Variants in COL9A1 observed in about 807,000 individuals in gnomAD.
The protein encoded by COL9A1 is collagen alpha-1(IX) chain.
A neutral mutation model predicts 142.6 loss-of-function variants in COL9A1; 104 were observed. The ratio of observed to expected loss-of-function variants is 0.73; its 90% CI spans 0.62 to 0.86. COL9A1 has a LOEUF of 0.86. COL9A1 is among the 40% of genes least tolerant of loss of function. The pLI is 0.00. For synonymous variants in COL9A1, 466 were observed against 396.0 expected (o/e 1.18, Z -2.10); for missense variants, 1,210 against 1,176.6 (o/e 1.03, Z -0.42).
intron 5 of COL9A1, among the ~76,000 whole-genome samples, chr6:70,289,090 C>G (rs1286085341): frequency 6.6e-6 from 1 of 151,990 alleles, no homozygotes; most frequent in Non-Finnish European, 1.5e-5. Context: ...AATTCCCTTC[C>G]CCTGTGTGGG....
chr6:70,215,113 C>T (rs1277915244), downstream of COL9A1: 1 of 151,922 alleles, frequency 6.6e-6, no homozygotes, highest in Non-Finnish European at 1.5e-5. Flanking sequence ...AAAAGTTTGC[C>T]ATTTTTTTAA....
chr6:70,279,742 A>T (rs1773015611), intron 10 of COL9A1: 2 of 381,152 alleles, frequency 5.2e-6, no homozygotes, highest in Non-Finnish European at 9.4e-6. Flanking sequence ...GGGAATCCCG[A>T]CAAAGAAAGC....
chr6:70,269,618 AG>A lies in COL9A1; in HGVS notation c.1230+14del. On this transcript the variant is annotated intron_variant, in intron 16 of 37. Coordinates refer to ENST00000357250, the MANE Select transcript of COL9A1 (RefSeq NM_001851.6). ...TGAATTAAAACTATATTTTGTTCAA[AG>A]GAAAGCATCTTACCAATGGATCTCC... 2 of 1,569,436 alleles carry A rather than the reference AG, an allele frequency of 1.3e-6. No homozygotes were observed. Among genetic ancestry groups the A allele is most frequent in the Non-Finnish European group, 1.8e-6 (2 of 1,139,014 alleles).
intron 5 of COL9A1, among the ~76,000 whole-genome samples, chr6:70,292,254 T>C (rs915244224): frequency 1.3e-5 from 2 of 152,182 alleles, no homozygotes; most frequent in African/African-American, 4.8e-5. Context: ...GTTAATGGGC[T>C]GTTAGGCTCA....
intron 30 of COL9A1, 149 bp from the exon 31 acceptor site, chr6:70,241,603 G>A: frequency 1.4e-6 from 1 of 724,932 alleles, no homozygotes; most frequent in Middle Eastern, 3.2e-4. Flanking sequence ...CAAGAATCAG[G>A]ACCAAAACAT....
chr6:70,282,903 C>T lies in COL9A1; in HGVS notation c.796G>A (p.Asp266Asn). ...PARITPSQTT[D>N]ERGPPGEQGP... The stretch of plus-strand genomic sequence containing the variant: ...ACTCCCTGCCCCCAACTTACCTCGT[C>T]GGTGGTCTGGCTGGGCTGGAGAAGA... The change falls in exon 7 of 38, where the codon GAC (aspartate) becomes AAC (asparagine). Residue 266 changes from aspartate to asparagine, a missense_variant. Asp to Asn is a conservative substitution (Grantham distance 23). Coordinates refer to ENST00000357250, the MANE Select transcript of COL9A1 (RefSeq NM_001851.6). 1.2e-6 allele frequency: 2 copies of T among 1,614,198 alleles called. No homozygotes were observed. Among genetic ancestry groups the T allele is most frequent in the Non-Finnish European group, 8.5e-7 (1 of 1,180,044 alleles).
chr6:70,302,895 A>AC lies in COL9A1; in HGVS notation c.14+15_14+16insG. On this transcript the variant is annotated intron_variant, in intron 1 of 37. Transcript: ENST00000357250. ...GCTCCATCTCCCCACCACTCTTTCC[A>AC]GGGTTATTGTCTTACCAGCAGGTCT... 1 of 1,613,694 alleles carries AC rather than the reference A, an allele frequency of 6.2e-7. No individual in the cohort carries two copies. The highest frequency in any genetic ancestry group is 1.1e-5 in the South Asian group (1 of 91,052).
chr6:70,252,322 G>A lies in COL9A1; in HGVS notation c.1765-7C>T. The stretch of plus-strand genomic sequence containing the variant: ...CTGGAGCACCTGTGCTACCCTAAGG[G>A]TAAAATGCAACATCCAAAATAACTC... On this transcript the variant is annotated splice_polypyrimidine_tract_variant and splice_region_variant and intron_variant, in intron 26 of 37. Transcript: ENST00000357250. 6.2e-7 allele frequency: 1 copy of A among 1,613,842 alleles called. No individual in the cohort carries two copies. The highest frequency in any genetic ancestry group is 1.1e-5 in the South Asian group (1 of 91,078).
chr6:70,235,191 C>T (rs1769827810), intron 33 of COL9A1, among the ~76,000 whole-genome samples: 1 of 152,164 alleles, frequency 6.6e-6, no homozygotes, highest in African/African-American at 2.4e-5. Flanking sequence ...TGGTGGCTTA[C>T]ACCTATAATC....
chr6:70,296,912 T>G (rs1309889308), intron 4 of COL9A1, among the ~76,000 whole-genome samples: 1 of 152,142 alleles, frequency 6.6e-6, no homozygotes, highest in Non-Finnish European at 1.5e-5. Context: ...TAATGCTGCT[T>G]CTTCTCTTCC....
intron 33 of COL9A1, among the ~76,000 whole-genome samples, chr6:70,237,678 T>C (rs994321548): frequency 6.6e-6 from 1 of 152,248 alleles, no homozygotes; most frequent in Admixed American, 6.5e-5. Flanking sequence ...AGGATTTCTA[T>C]TACCAAACTC....
Position 70,217,064 on chromosome 6 carries a change from T to C in COL9A1, c.2599A>G (p.Ser867Gly). 1 of 1,614,100 alleles carries C rather than the reference T, an allele frequency of 6.2e-7. No individual in the cohort carries two copies. Among genetic ancestry groups the C allele is most frequent in the East Asian group, 2.2e-5 (1 of 44,886 alleles). Residue 867 changes from serine (S) to glycine (G), a missense_variant, in exon 38 of 38, where the codon AGC becomes GGC. Ser to Gly is a moderately conservative substitution (Grantham distance 56). Transcript: ENST00000357250. Reference protein sequence around the residue: ...IGLPGDPGPASYGRNGRDGER... With the variant: ...IGLPGDPGPAGYGRNGRDGER... Reference sequence around the variant, plus strand: ...CCGTCTCGGCCATTTCTGCCATAGCTGGCAGGGCCTGGGTCACCTGAAACA... The same window carrying C: ...CCGTCTCGGCCATTTCTGCCATAGCCGGCAGGGCCTGGGTCACCTGAAACA...
Position 70,295,281 on chromosome 6 carries a change from C to CTTTT in COL9A1, c.300-722_300-719dup, listed in dbSNP as rs1171549562. 2.4e-3 allele frequency among the ~76,000 whole-genome samples: 149 copies of CTTTT among 63,170 alleles called. 22 individuals are homozygous for CTTTT. Among genetic ancestry groups the CTTTT allele is most frequent in the Middle Eastern group, 0.013 (1 of 76 alleles). The allele number at this position is 63,170 out of a possible 152,430, so 41.4% of individuals were successfully genotyped here. A position where few individuals can be genotyped will look rare whatever the true frequency, so the allele number is the denominator to read the frequency against. On this transcript the variant is annotated intron_variant, in intron 4 of 37. Transcript: ENST00000357250. Reference sequence around the variant, plus strand: ...CTCTACTGCAACTCTGTTGTTGCTTCTTTTTTTTTTTTTTTTTTTTTTTTT... The same window carrying CTTTT: ...CTCTACTGCAACTCTGTTGTTGCTTCTTTTTTTTTTTTTTTTTTTTTTTTTTTTT...
chr6:70,271,554 T>C (rs1772401657), intron 14 of COL9A1, 101 bp downstream of exon 14: 2 of 915,352 alleles, frequency 2.2e-6, no homozygotes, highest in South Asian at 2.7e-5. Flanking sequence ...TGCCATGTTT[T>C]GGTTTGCAAG....
intron 20 of COL9A1, among the ~76,000 whole-genome samples, chr6:70,260,356 A>G (rs1293948427): frequency 6.6e-6 from 1 of 152,088 alleles, no homozygotes; most frequent in Non-Finnish European, 1.5e-5. Flanking sequence ...TGCCTGGCCA[A>G]CATGGTGAAA....
intron 37 of COL9A1, among the ~76,000 whole-genome samples, chr6:70,217,737 G>A (rs1286101021): frequency 2.6e-5 from 4 of 152,270 alleles, no homozygotes; most frequent in Non-Finnish European, 5.9e-5. Context: ...CACAGGTTTT[G>A]GAGACAAATA....
At chr6:70,283,883 A>G (rs1773331324) in intron 5 of COL9A1, 63 bp from the exon 6 acceptor site, 1 of 1,157,516 alleles carries the variant, frequency 8.6e-7, no homozygotes, top group African/African-American at 1.5e-5. Flanking sequence ...GTCATTCAAG[A>G]GAGAGATGAG....
rs549091690 is a variant in COL9A1 at position 70,262,232 on chromosome 6, C to T, written c.1395+1012G>A. Among the ~76,000 whole-genome samples the T allele has an allele frequency of 3.9e-5, 6 of 152,128 alleles. No individual in the cohort carries two copies. The South Asian group carries it at 1.2e-3, about 32-fold the overall frequency. On this transcript the variant is annotated intron_variant, in intron 19 of 37. Transcript: ENST00000357250. ...CTCCTACCTGCGAAAGAGTCCAGCT[C>T]CTAGTGTCTCATATGGCAAACACTC...
chr6:70,241,337 C>T (rs1770243429), intron 31 of COL9A1, 82 bp downstream of exon 31: 2 of 1,128,774 alleles, frequency 1.8e-6, no homozygotes, highest in East Asian at 2.3e-5. Flanking sequence ...TATTAACCCC[C>T]ATAAACCAGC....
Sources: allele counts gnomAD v4.1 joint callset (sites outside exome capture counted in the v4.1 genomes callset), GRCh38; gene constraint gnomAD v4.1.1; transcripts MANE v1.5; gene names NCBI Gene and HGNC (gene_info 2026-07-23, HGNC 2026-07-21).